NTRK3: variants seen among roughly 807,000 people sequenced by gnomAD.
NTRK3 encodes NT-3 growth factor receptor.
A neutral mutation model predicts 91.7 loss-of-function variants in NTRK3; 24 were observed. The observed-to-expected ratio is 0.26, with a 90% confidence interval of 0.19 to 0.37. NTRK3 has a LOEUF of 0.37. NTRK3 is among the 10% of genes least tolerant of loss of function. The probability of loss-of-function intolerance (pLI) is 1.00; values close to 1 mark genes in which losing one functional copy is unlikely to be tolerated. For synonymous variants in NTRK3, 483 were observed against 404.0 expected (o/e 1.20, Z -2.34); for missense variants, 880 against 1,068.9 (o/e 0.82, Z 2.46).
At chr15:88,038,474 C>G (rs138423571) in intron 13 of NTRK3, among the ~76,000 whole-genome samples, 2 of 152,302 alleles carry the variant, frequency 1.3e-5, no homozygotes, top group East Asian at 3.9e-4. Flanking sequence ...AGGGCTACGG[C>G]TGGCACTGGG....
intron 5 of NTRK3, among the ~76,000 whole-genome samples, chr15:88,166,537 C>T (rs1242126431): frequency 2.6e-5 from 4 of 152,180 alleles, no homozygotes; most frequent in African/African-American, 9.7e-5. Context: ...AGGGAGGGCT[C>T]CCTGGGCTCT....
At chr15:87,872,859 T>G (rs933461998) in exon 19 of NTRK3, 1 of 232,808 alleles carries the variant, frequency 4.3e-6, no homozygotes, top group African/African-American at 2.2e-5. Context: ...TTTAAAAAAA[T>G]GAAAAGGACT....
At chr15:88,058,763 G>A (rs141493790) in intron 13 of NTRK3, among the ~76,000 whole-genome samples, 34 of 152,226 alleles carry the variant, frequency 2.2e-4, no homozygotes, top group African/African-American at 6.7e-4. Context: ...TCATGTTCAG[G>A]AAAGCAATTT....
rs1336345515 is a variant in NTRK3, at chr15:87,860,191, G to A, written c.*16744C>T. 3 of 222,786 alleles carry A rather than the reference G, an allele frequency of 1.3e-5. No homozygotes were observed. In the East Asian group the frequency reaches 1.9e-4, roughly 14 times the overall value. 13.8% of individuals were successfully genotyped at this position (222,786 alleles called of 1,614,324 possible). A position where few individuals can be genotyped will look rare whatever the true frequency, so the allele number is the denominator to read the frequency against. On this transcript the variant is annotated 3_prime_UTR_variant, in exon 19 of 19. Transcript: ENST00000394480. ...TCCGATGAAGACACATGTTTGCCTT[G>A]GGATGGAAGCATGAGGGTGAAGAAT...
chr15:87,958,601 C>T (rs1194840034), intron 14 of NTRK3, among the ~76,000 whole-genome samples: 4 of 152,016 alleles, frequency 2.6e-5, no homozygotes, highest in Admixed American at 2.6e-4. Context: ...TCCTTGATGA[C>T]TCTTTCCTGC....
At chr15:87,896,550 C>A (rs140785106) in intron 17 of NTRK3, among the ~76,000 whole-genome samples, 1 of 151,712 alleles carries the variant, frequency 6.6e-6, no homozygotes, top group African/African-American at 2.4e-5. Flanking sequence ...CTCCATTCAT[C>A]GACAGTTCTA....
intron 3 of NTRK3, among the ~76,000 whole-genome samples, chr15:88,193,759 T>C (rs1299146257): frequency 6.6e-6 from 1 of 152,214 alleles, no homozygotes; most frequent in Non-Finnish European, 1.5e-5. Context: ...TCCTCTTCTC[T>C]ACCCTCAACT....
At chr15:88,245,526 T>C (rs1296154410) in intron 3 of NTRK3, among the ~76,000 whole-genome samples, 1 of 152,168 alleles carries the variant, frequency 6.6e-6, no homozygotes, top group Non-Finnish European at 1.5e-5. Context: ...GATGCAGGAA[T>C]TGGTCTAACC....
At chr15:87,909,831 C>G (rs905389915) in intron 17 of NTRK3, among the ~76,000 whole-genome samples, 1 of 152,154 alleles carries the variant, frequency 6.6e-6, no homozygotes, top group Non-Finnish European at 1.5e-5. Context: ...TGTGGGGACA[C>G]AGTGAGCAGG....
At chr15:88,105,896 C>G (rs117361326) in intron 13 of NTRK3, among the ~76,000 whole-genome samples, 1 of 152,180 alleles carries the variant, frequency 6.6e-6, no homozygotes, top group African/African-American at 2.4e-5. Flanking sequence ...ATGAGGACAG[C>G]AGAAGTTCAG....
chr15:88,086,842 TG>T (rs779959722), intron 13 of NTRK3, among the ~76,000 whole-genome samples: 49 of 152,324 alleles, frequency 3.2e-4, no homozygotes, highest in Admixed American at 9.8e-4. Context: ...TCTCTTCACC[TG>T]GAAGTATGCA....
rs985578348 is a variant in NTRK3 at position 88,208,482 on chromosome 15, T to C, written c.249-24183A>G. Among the ~76,000 whole-genome samples the C allele has an allele frequency of 2.0e-5, 3 of 152,276 alleles. No homozygotes were observed. The South Asian group carries it at 6.2e-4, about 32-fold the overall frequency. On this transcript the variant is annotated intron_variant, in intron 3 of 18. Transcript: ENST00000394480. ...AAAGTGCATGCAAACCACCTGGGCATGTTGTTAAAATGCAAATTCTGACTC... is the reference window on the plus strand; with the variant it reads ...AAAGTGCATGCAAACCACCTGGGCACGTTGTTAAAATGCAAATTCTGACTC...
intron 5 of NTRK3, 32 bp downstream of exon 5, chr15:88,183,386 G>GC: frequency 6.2e-7 from 1 of 1,608,820 alleles, no homozygotes; most frequent in Non-Finnish European, 8.5e-7. Flanking sequence ...CCTGCCATGT[G>GC]CCCCCAATCC....
chr15:88,068,974 T>C (rs953004513), intron 13 of NTRK3, among the ~76,000 whole-genome samples: 1 of 152,000 alleles, frequency 6.6e-6, no homozygotes, highest in African/African-American at 2.4e-5. Context: ...TACGTCTGGA[T>C]TGAAGAGAAA....
chr15:88,246,628 G>C (rs1388397911), intron 3 of NTRK3, among the ~76,000 whole-genome samples: 1 of 152,176 alleles, frequency 6.6e-6, no homozygotes, highest in Non-Finnish European at 1.5e-5. Flanking sequence ...TACCCTCTGT[G>C]CAAATGTGCT....
At chr15:87,984,333 G>C (rs1375038411) in intron 14 of NTRK3, among the ~76,000 whole-genome samples, 1 of 152,230 alleles carries the variant, frequency 6.6e-6, no homozygotes, top group African/African-American at 2.4e-5. Flanking sequence ...TTTCTTGCCT[G>C]TATGGTGGCC....
chr15:88,097,148 T>C (rs1014417117), intron 13 of NTRK3, among the ~76,000 whole-genome samples: 1 of 152,218 alleles, frequency 6.6e-6, no homozygotes, highest in African/African-American at 2.4e-5. Flanking sequence ...CTAAATAAAA[T>C]ATAGTATTAC....
At chr15:87,981,421 A>T in intron 14 of NTRK3, 1 of 1,613,048 alleles carries the variant, frequency 6.2e-7, no homozygotes, top group Non-Finnish European at 8.5e-7. Flanking sequence ...AGTGCAAAAA[A>T]CATGGGAAAG....
chr15:88,171,683 G>A (rs1449862538), intron 5 of NTRK3, among the ~76,000 whole-genome samples: 1 of 152,190 alleles, frequency 6.6e-6, no homozygotes, highest in Non-Finnish European at 1.5e-5. Context: ...TGTGTCCTAG[G>A]AAGGACACAG....
Sources: gnomAD v4.1 joint callset for allele counts (sites outside exome capture counted in the v4.1 genomes callset) on GRCh38, gnomAD v4.1.1 for gene constraint, MANE v1.5 for transcripts, NCBI Gene and HGNC (gene_info 2026-07-23, HGNC 2026-07-21) for gene names.